INTS2: variants seen among roughly 807,000 people sequenced by gnomAD.
The protein encoded by INTS2 is integrator complex subunit 2, also known as KIAA1287.
A neutral mutation model predicts 139.6 loss-of-function variants in INTS2; 57 were observed. That is an observed-to-expected ratio of 0.41 (90% CI 0.33 to 0.51). The LOEUF is 0.51. Among genes scored for constraint, INTS2 ranks in the 20% least tolerant of loss-of-function variants. The probability of loss-of-function intolerance (pLI) is 0.28; values close to 1 mark genes in which losing one functional copy is unlikely to be tolerated. For missense variants in INTS2, 1,196 were observed against 1,436.7 expected (o/e 0.83, Z 2.71); for synonymous variants, 473 against 493.4 (o/e 0.96, Z 0.55).
chr17:61,870,000 C>T lies in INTS2; in HGVS notation c.2779-12G>A, dbSNP rs1238615553. On this transcript the variant is annotated splice_polypyrimidine_tract_variant and intron_variant, in intron 20 of 24. Transcript: ENST00000251334. The surrounding 1 kb of genome is among the most constrained non-coding windows in gnomAD (Gnocchi z 5.4). ...ACAGCTGCACTATCCTATAAGCAAA[C>T]AAAACATAGAAAAAGTAAGAAGTTT... 6.3e-7 allele frequency: 1 copy of T among 1,582,044 alleles called. No homozygotes were observed. Among genetic ancestry groups the T allele is most frequent in the East Asian group, 2.3e-5 (1 of 44,370 alleles).
At chr17:61,901,368 A>G (rs1294292855) in intron 9 of INTS2, among the ~76,000 whole-genome samples, 2 of 151,528 alleles carry the variant, frequency 1.3e-5, no homozygotes, top group Non-Finnish European at 2.9e-5. Flanking sequence ...AGGCAGGGAA[A>G]AAAAGCAGCT....
At chr17:61,918,116 C>CA (rs1384279278) in intron 5 of INTS2, among the ~76,000 whole-genome samples, 1 of 152,098 alleles carries the variant, frequency 6.6e-6, no homozygotes, top group African/African-American at 2.4e-5. Flanking sequence ...AACAAGTTGA[C>CA]AAAAAATCGG....
chr17:61,894,062 G>T, intron 12 of INTS2, 163 bp from the exon 13 acceptor site: 1 of 442,096 alleles, frequency 2.3e-6, no homozygotes, highest in Non-Finnish European at 3.9e-6. Flanking sequence ...TGAATGCTGA[G>T]GAAATGTACA....
chr17:61,868,997 T>C lies in INTS2; in HGVS notation c.3244+37A>G, dbSNP rs76633868. 9,431 of 1,166,590 alleles carry C rather than the reference T, an allele frequency of 8.1e-3. 93 individuals are homozygous for C. The highest frequency in any genetic ancestry group is 7.9e-3 in the Non-Finnish European group (6,192 of 785,824). 72.3% of individuals were successfully genotyped at this position (1,166,590 alleles called of 1,614,324 possible). On this transcript the variant is annotated intron_variant, in intron 23 of 24. Coordinates refer to ENST00000251334, the MANE Select transcript of INTS2 (RefSeq NM_001351695.2). The surrounding 1 kb of genome is among the most constrained non-coding windows in gnomAD (Gnocchi z 4.7). The stretch of plus-strand genomic sequence containing the variant: ...AGAAAATATAGGAACTATAATAATT[T>C]ATGTCAGATGTTTGTTGATGTTGAT...
intron 15 of INTS2, among the ~76,000 whole-genome samples, chr17:61,889,245 C>A (rs1225342230): frequency 1.3e-5 from 2 of 151,774 alleles, no homozygotes; most frequent in African/African-American, 2.4e-5. Context: ...AGCCACCACA[C>A]CTGGCTAATT....
intron 5 of INTS2, 55 bp downstream of exon 5, chr17:61,919,345 T>A: frequency 2.4e-6 from 2 of 820,664 alleles, no homozygotes; most frequent in Non-Finnish European, 4.1e-6. Flanking sequence ...AAAAGATAGG[T>A]CCTGTACATG....
chr17:61,891,743 G>T, intron 13 of INTS2, 54 bp from the exon 14 acceptor site: 1 of 1,301,490 alleles, frequency 7.7e-7, no homozygotes, highest in Non-Finnish European at 1.1e-6. Flanking sequence ...GAAAAACCAA[G>T]CAAAATTATA....
Position 61,889,785 on chromosome 17 carries a change from C to A in INTS2, c.1984+1G>T. 1 of 1,503,176 alleles carries A rather than the reference C, an allele frequency of 6.7e-7. No homozygotes were observed. The highest frequency in any genetic ancestry group is 9.2e-7 in the Non-Finnish European group (1 of 1,082,166). 93.1% of individuals were successfully genotyped at this position (1,503,176 alleles called of 1,614,324 possible). On this transcript the variant is annotated splice_donor_variant, in intron 15 of 24. Transcript: ENST00000251334. LOFTEE classifies it high-confidence loss of function. Reference sequence around the variant, plus strand: ...GAACCACTCCTCTACGTACAACTTACCTAAAGTCTTCGTGTTTGCTAGAAG... The same window carrying A: ...GAACCACTCCTCTACGTACAACTTAACTAAAGTCTTCGTGTTTGCTAGAAG...
chr17:61,897,680 G>A lies in INTS2; in HGVS notation c.1367C>T (p.Ala456Val), dbSNP rs748986478. 8 of 1,605,398 alleles carry A rather than the reference G, an allele frequency of 5.0e-6. No homozygotes were observed. In the African/African-American group the frequency reaches 5.3e-5, roughly 11 times the overall value. Residue 456 changes from alanine to valine, a missense_variant, in exon 10 of 25, where the codon GCG (alanine) becomes GTG (valine). Coordinates refer to ENST00000251334, the MANE Select transcript of INTS2 (RefSeq NM_001351695.2). This position sits in a 1 kb window ranked among gnomAD's most constrained non-coding sequence, Gnocchi z 4.4. ...VWLSWMIKEE[A>V]YFESTSGVSA... ...CAAATTATCTTACCTCTCAAAATAC[G>A]CTTCTTCTTTTATCATCCAACTTAG...
In INTS2 at chr17:61,877,983, G is replaced by C. The variant is rs1427139965; in HGVS notation, c.2360C>G (p.Ser787Cys). ...ELIPYAEVLTSNMSQLLNSGV... is the reference protein window; with the variant it reads ...ELIPYAEVLTCNMSQLLNSGV... Reference sequence around the variant, plus strand: ...TGAATTCAATAGCTGGCTCATATTGGATGTTAACACTTCCGCATATGGTAT... The same window carrying C: ...TGAATTCAATAGCTGGCTCATATTGCATGTTAACACTTCCGCATATGGTAT... Residue 787 changes from serine (S) to cysteine (C), a missense_variant, in exon 18 of 25, where the codon TCC (serine) becomes TGC (cysteine). Physicochemically the swap from Ser to Cys is moderately radical, Grantham distance 112. This residue lies in a region of INTS2 where 1,129 missense variants were observed against 1,341.9 expected (regional missense o/e 0.84). Coordinates refer to ENST00000251334, the MANE Select transcript of INTS2 (RefSeq NM_001351695.2). 14 of 1,612,878 alleles carry C rather than the reference G, an allele frequency of 8.7e-6. No individual in the cohort carries two copies. Among genetic ancestry groups the C allele is most frequent in the Non-Finnish European group, 1.1e-5 (13 of 1,179,016 alleles).
intron 15 of INTS2, among the ~76,000 whole-genome samples, chr17:61,888,560 C>T (rs909829460): frequency 1.4e-4 from 16 of 115,234 alleles, no homozygotes; most frequent in East Asian, 6.1e-4. Flanking sequence ...CGTGTGTGTG[C>T]GTGCGTGTGT....
Position 61,893,663 on chromosome 17 carries a change from C to G in INTS2, c.1698+102G>C. 2 of 866,338 alleles carry G rather than the reference C, an allele frequency of 2.3e-6. No individual in the cohort carries two copies. 53.7% of individuals were successfully genotyped at this position (866,338 alleles called of 1,614,324 possible). ...TGAGCCAAGACTGCACCACTGCACTCCAACCTGGGTGACTGAGCAAGACTC... is the reference window on the plus strand; with the variant it reads ...TGAGCCAAGACTGCACCACTGCACTGCAACCTGGGTGACTGAGCAAGACTC... On this transcript the variant is annotated intron_variant, in intron 13 of 24. Coordinates refer to ENST00000251334, the MANE Select transcript of INTS2 (RefSeq NM_001351695.2). This position sits in a 1 kb window ranked among gnomAD's most constrained non-coding sequence, Gnocchi z 5.4.
At chr17:61,904,162 G>A (rs574732137) in intron 9 of INTS2, among the ~76,000 whole-genome samples, 86 of 152,154 alleles carry the variant, frequency 5.7e-4, no homozygotes, top group African/African-American at 2.0e-3. Context: ...AAATAAGCTG[G>A]GCCAGTGGCA....
At position 61,911,583 on chromosome 17, in the gene INTS2, C is replaced by T; in HGVS notation, c.891G>A (p.Leu297=). The change falls in exon 7 of 25, where the codon TTG becomes TTA. Residue 297 remains leucine (L), a synonymous_variant. Transcript: ENST00000251334. ...GGACTTTCGCATTTGTTCCAAGAAGCAAACCACTTACAAAACAAACCAAGT... is the reference window on the plus strand; with the variant it reads ...GGACTTTCGCATTTGTTCCAAGAAGTAAACCACTTACAAAACAAACCAAGT... The part of the protein sequence containing the change: ...VSDLVCFVSG[L]LLGTNAKVRT... 1 of 1,613,964 alleles carries T rather than the reference C, an allele frequency of 6.2e-7. No homozygotes were observed. Among genetic ancestry groups the T allele is most frequent in the Non-Finnish European group, 8.5e-7 (1 of 1,179,874 alleles).
intron 17 of INTS2, among the ~76,000 whole-genome samples, chr17:61,878,931 C>CAAAAAAAAAAA (rs35652350): frequency 1.3e-4 from 6 of 46,636 alleles, no homozygotes; most frequent in African/African-American, 6.3e-4. Context: ...ACCCTGTCTC[C>CAAAAAAAAAAA]AAAAAAAAAA....
rs1277408673 is a variant in INTS2 at position 61,897,137 on chromosome 17, CTCA to C, written c.1494+329_1494+331del. Among the ~76,000 whole-genome samples the C allele has an allele frequency of 3.9e-5, 6 of 151,932 alleles. No individual in the cohort carries two copies. The highest frequency in any genetic ancestry group is 1.4e-4 in the African/African-American group (6 of 41,452). On this transcript the variant is annotated intron_variant, in intron 11 of 24. Transcript: ENST00000251334. The surrounding 1 kb of genome is among the most constrained non-coding windows in gnomAD (Gnocchi z 4.4). ...TAATATTTATTGATATGAGTAAATG[CTCA>C]TCATATATTAATTTTTTTAAATCAT...
intron 7 of INTS2, chr17:61,910,746 A>G (rs2079518396): frequency 6.6e-6 from 1 of 152,188 alleles, no homozygotes; most frequent in Non-Finnish European, 1.5e-5. Flanking sequence ...ATATATACAC[A>G]TATGTATTAA....
chr17:61,905,440 C>T (rs969091169), intron 8 of INTS2, among the ~76,000 whole-genome samples: 2 of 152,182 alleles, frequency 1.3e-5, no homozygotes, highest in Non-Finnish European at 2.9e-5. Context: ...AATTCTCCTG[C>T]CTCAGACTCC....
intron 9 of INTS2, among the ~76,000 whole-genome samples, chr17:61,899,377 A>C (rs58805694): frequency 6.6e-6 from 1 of 152,026 alleles, no homozygotes; most frequent in Non-Finnish European, 1.5e-5. Context: ...CAGCCTCCCG[A>C]GCAGCTGGGA....
Sources: gnomAD v4.1 joint callset for allele counts (sites outside exome capture counted in the v4.1 genomes callset) on GRCh38, gnomAD v4.1.1 for gene constraint, gnomAD v4.1.1 regional missense constraint, Gnocchi (gnomAD v3.1) non-coding constraint, MANE v1.5 for transcripts, NCBI Gene and HGNC (gene_info 2026-07-23, HGNC 2026-07-21) for gene names.